Variants in MYOM3 observed in about 807,000 individuals in gnomAD.
MYOM3 encodes myomesin-3.
A neutral mutation model predicts 191.7 loss-of-function variants in MYOM3; 155 were observed. The ratio of observed to expected loss-of-function variants is 0.81; its 90% CI spans 0.71 to 0.92. The LOEUF is 0.92. MYOM3 is among the 40% of genes least tolerant of loss of function. MYOM3 has a pLI of 0.00. For synonymous variants in MYOM3, 757 were observed against 762.9 expected, an observed-to-expected ratio of 0.99 and a Z score of 0.13; for missense variants, 1,889 against 1,890.6, an observed-to-expected ratio of 1.00 and a Z score of 0.02.
chr1:24,093,142 T>G, intron 9 of MYOM3, 34 bp from the exon 10 acceptor site: 3 of 1,504,490 alleles, frequency 2.0e-6, no homozygotes, highest in Non-Finnish European at 9.0e-7. Context: ...ATTGAGTTTG[T>G]GGGGGGTCCT....
chr1:24,075,459 C>T lies in MYOM3; in HGVS notation c.2718G>A (p.Glu906=). The change falls in exon 22 of 37, where the codon GAG becomes GAA. Residue 906 remains glutamate (E), a synonymous_variant. Coordinates refer to ENST00000374434, the MANE Select transcript of MYOM3 (RefSeq NM_152372.4). ...TAAAGCCCTCTTCATCCACACCAAC[C>T]TCGATCTCATGGGCACCTGAGGGCG... ...LEDKPGAHEI[E]VGVDEEGFIY... 6.3e-7 allele frequency: 1 copy of T among 1,579,880 alleles called. No individual in the cohort carries two copies. Among genetic ancestry groups the T allele is most frequent in the Non-Finnish European group, 8.6e-7 (1 of 1,166,118 alleles).
chr1:24,074,706 G>C (rs1282924177), intron 22 of MYOM3, among the ~76,000 whole-genome samples: 4 of 152,232 alleles, frequency 2.6e-5, no homozygotes, highest in Non-Finnish European at 5.9e-5. Context: ...AGCCAGGCTA[G>C]AATCCAAGTC....
In MYOM3 at chr1:24,086,686, G is replaced by A. The variant is rs761706913; in HGVS notation, c.1756C>T (p.Pro586Ser). 6.2e-7 allele frequency: 1 copy of A among 1,614,160 alleles called. No individual in the cohort carries two copies. The highest frequency in any genetic ancestry group is 1.7e-5 in the Admixed American group (1 of 60,020). The change falls in exon 15 of 37, where the codon CCC becomes TCC. Residue 586 changes from proline (P) to serine (S), a missense_variant. Transcript: ENST00000374434. ...RAMNQYGLSD[P>S]SEPSEPIALR... ...GCGATGGGTTCGCTGGGCTCCGAGG[G>A]ATCGCTCAGGCCATACTGGTTCATT...
chr1:24,066,970 G>C (rs1418650149), intron 28 of MYOM3, 51 bp downstream of exon 28: 4 of 1,508,458 alleles, frequency 2.7e-6, no homozygotes, highest in South Asian at 1.2e-5. Context: ...TTGGGGACAA[G>C]CCACAGGTCC....
chr1:24,104,563 C>T (rs1213204747), intron 5 of MYOM3, among the ~76,000 whole-genome samples: 4 of 152,146 alleles, frequency 2.6e-5, no homozygotes, highest in African/African-American at 9.7e-5. Flanking sequence ...GCAACCTCCG[C>T]CTCCCGGGTT....
At chr1:24,078,836 T>C (rs1426103082) in intron 20 of MYOM3, among the ~76,000 whole-genome samples, 7 of 152,322 alleles carry the variant, frequency 4.6e-5, no homozygotes, top group African/African-American at 1.4e-4. Flanking sequence ...CTGTTAATAA[T>C]GCTTCAAGTG....
chr1:24,100,609 G>A (rs1158609581), intron 5 of MYOM3, among the ~76,000 whole-genome samples: 2 of 152,188 alleles, frequency 1.3e-5, no homozygotes, highest in Non-Finnish European at 2.9e-5. Flanking sequence ...TGTCCAGGCC[G>A]GGCACGGTGG....
intron 7 of MYOM3, 60 bp downstream of exon 7, chr1:24,097,863 T>C: frequency 1.8e-6 from 2 of 1,122,898 alleles, no homozygotes; most frequent in South Asian, 1.2e-5. Flanking sequence ...CCCATGTCCT[T>C]GTCTGCCCAG....
At position 24,094,893 on chromosome 1, in the gene MYOM3, T is replaced by C. The variant is rs958734214; in HGVS notation, c.888A>G (p.Glu296=). ...GGATGCTCTCAGCATCTAACACATC[T>C]TCCGAAAACAAGCATGACAGGGAGA... ...EPFSLSCLFS[E]DVLDAESIQW... Residue 296 remains glutamate (E), a synonymous_variant, in exon 9 of 37, where the codon GAA becomes GAG. Transcript: ENST00000374434. 14 of 1,613,936 alleles carry C rather than the reference T, an allele frequency of 8.7e-6. No individual in the cohort carries two copies. Among genetic ancestry groups the C allele is most frequent in the Admixed American group, 1.7e-5 (1 of 59,988 alleles).
chr1:24,086,761 C>T lies in MYOM3; in HGVS notation c.1681G>A (p.Ala561Thr), dbSNP rs747728682. The T allele has an allele frequency of 1.4e-5, 22 of 1,614,084 alleles. No homozygotes were observed. Among genetic ancestry groups the T allele is most frequent in the East Asian group, 4.5e-5 (2 of 44,876 alleles). ...SESPVRSPRF[A>T]VLDLEKKKSY... The stretch of plus-strand genomic sequence containing the variant: ...TTCTTTTTCTCCAGGTCCAGAACGG[C>T]GAATCTCGGGGATCTCACAGGGCTT... The change falls in exon 15 of 37, where the codon GCC becomes ACC. Residue 561 changes from alanine to threonine, a missense_variant. Coordinates refer to ENST00000374434, the MANE Select transcript of MYOM3 (RefSeq NM_152372.4).
chr1:24,058,163 C>T (rs1008031138), intron 36 of MYOM3, among the ~76,000 whole-genome samples: 1 of 152,182 alleles, frequency 6.6e-6, no homozygotes, highest in African/African-American at 2.4e-5. Flanking sequence ...CATAATTACT[C>T]TCGCAATTAT....
chr1:24,104,419 G>T (rs1169407517), intron 5 of MYOM3, among the ~76,000 whole-genome samples: 2 of 152,130 alleles, frequency 1.3e-5, no homozygotes, highest in Non-Finnish European at 2.9e-5. Context: ...TTTGTGTGTT[G>T]ATGTTTCTTT....
In MYOM3 at chr1:24,063,260, A is replaced by C; in HGVS notation, c.3662-26T>G. The C allele has an allele frequency of 7.5e-6, 12 of 1,589,700 alleles. No homozygotes were observed. Among genetic ancestry groups the C allele is most frequent in the Non-Finnish European group, 1.0e-5 (12 of 1,158,282 alleles). The stretch of plus-strand genomic sequence containing the variant: ...CTGGGGAGACAGAGGAGAAGGATGA[A>C]TCTTCCCTGAGGCCATTTAGGCATC... On this transcript the variant is annotated intron_variant, in intron 31 of 36. Coordinates refer to ENST00000374434, the MANE Select transcript of MYOM3 (RefSeq NM_152372.4). This position sits in a 1 kb window ranked among gnomAD's most constrained non-coding sequence, Gnocchi z 4.5.
At chr1:24,064,190 A>C (rs375777667) in intron 29 of MYOM3, 31 bp from the exon 30 acceptor site, 9 of 1,569,326 alleles carry the variant, frequency 5.7e-6, no homozygotes, top group Non-Finnish European at 6.1e-6. Context: ...TGGTGGTGTC[A>C]GCATGGGCTC....
At position 24,056,858 on chromosome 1, in the gene MYOM3, G is replaced by C. The variant is rs1643307404; in HGVS notation, c.*506C>G. 1 of 154,896 alleles carries C rather than the reference G, an allele frequency of 6.5e-6. No homozygotes were observed. The highest frequency in any genetic ancestry group is 2.0e-4 in the South Asian group (1 of 4,958). 9.6% of individuals were successfully genotyped at this position (154,896 alleles called of 1,614,324 possible). On this transcript the variant is annotated 3_prime_UTR_variant, in exon 37 of 37. Transcript: ENST00000374434. ...TGAGGCCTCTTTGCAAGCAGAACCT[G>C]CTTATCAGCTGCCTTTGTGTTCCCA... is the stretch of plus-strand genomic sequence containing the variant.
Position 24,056,870 on chromosome 1 carries a change from C to T in MYOM3, c.*494G>A, listed in dbSNP as rs1643307486. On this transcript the variant is annotated 3_prime_UTR_variant, in exon 37 of 37. Transcript: ENST00000374434. ...GCAAGCAGAACCTGCTTATCAGCTG[C>T]CTTTGTGTTCCCAGCTCCATCCTCA... 6.4e-6 allele frequency: 1 copy of T among 155,278 alleles called. No individual in the cohort carries two copies. The highest frequency in any genetic ancestry group is 2.4e-5 in the African/African-American group (1 of 41,480). The allele number at this position is 155,278 out of a possible 1,614,324, so 9.6% of individuals were successfully genotyped here.
At position 24,087,078 on chromosome 1, in the gene MYOM3, G is replaced by T. The variant is rs1180691679; in HGVS notation, c.1615-251C>A. 6.6e-6 allele frequency among the ~76,000 whole-genome samples: 1 copy of T among 152,024 alleles called. No homozygotes were observed. Among genetic ancestry groups the T allele is most frequent in the Non-Finnish European group, 1.5e-5 (1 of 68,010 alleles). ...TTCCCACACCTGCATTGCACTGGTG[G>T]CCCCCATCCTTCCAGTCCCTCGGGT... On this transcript the variant is annotated intron_variant, in intron 14 of 36. Coordinates refer to ENST00000374434, the MANE Select transcript of MYOM3 (RefSeq NM_152372.4). This position sits in a 1 kb window ranked among gnomAD's most constrained non-coding sequence, Gnocchi z 4.5.
At chr1:24,109,153 C>T (rs939612837) in intron 1 of MYOM3, among the ~76,000 whole-genome samples, 9 of 152,230 alleles carry the variant, frequency 5.9e-5, no homozygotes, top group African/African-American at 2.2e-4. Context: ...CCGGCACACC[C>T]TTCCCCTCCT....
At chr1:24,067,225 A>C (rs925523644) in intron 27 of MYOM3, 137 bp from the exon 28 acceptor site, 1 of 781,466 alleles carries the variant, frequency 1.3e-6, no homozygotes, top group African/African-American at 1.8e-5. Context: ...CAGGGCTGGG[A>C]CTGGGGTGAG....
Sources: gnomAD v4.1 joint callset for allele counts (sites outside exome capture counted in the v4.1 genomes callset) on GRCh38, gnomAD v4.1.1 for gene constraint, Gnocchi (gnomAD v3.1) non-coding constraint, MANE v1.5 for transcripts, NCBI Gene and HGNC (gene_info 2026-07-23, HGNC 2026-07-21) for gene names.